The following ANTXRL variants were observed in gnomAD, a reference collection of about 807,000 sequenced individuals.
ANTXRL encodes ANTXR like.
A neutral mutation model predicts 75.4 loss-of-function variants in ANTXRL; 63 were observed. The ratio of observed to expected loss-of-function variants is 0.84; its 90% confidence interval spans 0.68 to 1.03. The LOEUF (loss-of-function observed/expected upper bound fraction) is 1.03, where lower values mean the gene tolerates loss of function less well. Ranked by LOEUF, ANTXRL falls within the 50% of genes least tolerant of loss-of-function variation. The pLI, the probability that ANTXRL is intolerant of heterozygous loss-of-function variation, is 0.00. For synonymous variants in ANTXRL, 335 were observed against 291.3 expected, an observed-to-expected ratio of 1.15 and a Z score of -1.53; for missense variants, 797 against 789.4, an observed-to-expected ratio of 1.01 and a Z score of -0.12.
intron 9 of ANTXRL, among the ~76,000 whole-genome samples, chr10:46,301,036 C>A (rs577795376): frequency 7.6e-4 from 114 of 149,600 alleles, no homozygotes; most frequent in African/African-American, 2.7e-3. Context: ...AAAATGCTTG[C>A]TTGCAATACA....
chr10:46,306,560 C>T (rs1373677383), intron 10 of ANTXRL, among the ~76,000 whole-genome samples: 13 of 151,384 alleles, frequency 8.6e-5, no homozygotes, highest in Non-Finnish European at 1.3e-4. Flanking sequence ...TTCTGTGTCC[C>T]GTGCAATCCC....
intron 9 of ANTXRL, among the ~76,000 whole-genome samples, chr10:46,301,158 C>T (rs1300781671): frequency 1.3e-5 from 2 of 152,264 alleles, no homozygotes; most frequent in African/African-American, 4.8e-5. Context: ...GGGGCGCAGG[C>T]CACAGGCCCA....
In ANTXRL at chr10:46,297,431, C is replaced by T; in HGVS notation, c.611C>T (p.Ala204Val). The T allele has an allele frequency of 6.5e-7, 1 of 1,535,896 alleles. No individual in the cohort carries two copies. The highest frequency in any genetic ancestry group is 8.7e-7 in the Non-Finnish European group (1 of 1,146,754). ...GCTCAAAAGGCTCGGAAACTGGGGG[C>T]CAACGTTTACACCCTGGGTGTGGCT... ...REAQKARKLG[A>V]NVYTLGVADY... The change falls in exon 7 of 17, where the codon GCC becomes GTC. Residue 204 changes from alanine to valine, a missense_variant. This residue lies in a region of ANTXRL where 262 missense variants were observed against 271.9 expected (regional missense o/e 0.96). Coordinates refer to ENST00000620264, the MANE Select transcript of ANTXRL (RefSeq NM_001278688.3).
intron 1 of ANTXRL, among the ~76,000 whole-genome samples, chr10:46,288,144 T>C (rs1472258735): frequency 6.6e-6 from 1 of 152,142 alleles, no homozygotes; most frequent in Non-Finnish European, 1.5e-5. Flanking sequence ...AGGCAAATGT[T>C]CAGCTTTGGA....
intron 1 of ANTXRL, among the ~76,000 whole-genome samples, chr10:46,288,056 A>G (rs144072536): frequency 8.9e-4 from 135 of 151,988 alleles, no homozygotes; most frequent in African/African-American, 3.1e-3. Flanking sequence ...CTTTCAGAAC[A>G]GTTTGGTCTG....
At chr10:46,309,088 C>T in intron 12 of ANTXRL, 25 bp from the exon 13 acceptor site, 1 of 1,535,502 alleles carries the variant, frequency 6.5e-7, no homozygotes, top group Middle Eastern at 1.7e-4. Context: ...CGAGGCCCTC[C>T]TATGGTGCTC....
intron 15 of ANTXRL, 78 bp downstream of exon 15, chr10:46,311,743 G>A (rs140813410): frequency 7.8e-5 from 50 of 639,990 alleles, no homozygotes; most frequent in African/African-American, 7.1e-4. Flanking sequence ...GTCCCACTGT[G>A]GAGACCTGGG....
In ANTXRL at chr10:46,304,081, G is replaced by A. The variant is rs74129851; in HGVS notation, c.895+1261G>A. Reference sequence around the variant, plus strand: ...ATCAGCATTGTGTGGATGGTCTCAGGGAATTCAGTTTTCATTGGGTTATAC... The same window carrying A: ...ATCAGCATTGTGTGGATGGTCTCAGAGAATTCAGTTTTCATTGGGTTATAC... On this transcript the variant is annotated intron_variant, in intron 10 of 16. Transcript: ENST00000620264. Among the ~76,000 whole-genome samples, 1,082 of 152,200 alleles carry A rather than the reference G, an allele frequency of 7.1e-3. 23 individuals carry two copies. Among genetic ancestry groups the A allele is most frequent in the African/African-American group, 0.024 (1,016 of 41,488 alleles).
chr10:46,313,750 G>A (rs1307419533), intron 16 of ANTXRL, among the ~76,000 whole-genome samples: 1 of 152,174 alleles, frequency 6.6e-6, no homozygotes, highest in Non-Finnish European at 1.5e-5. Flanking sequence ...GTTAGGCTAA[G>A]CCATGCTTTC....
In ANTXRL at chr10:46,311,021, A is replaced by G. The variant is rs142672369; in HGVS notation, c.1174-489A>G. ...AGCTGGGAAGGACACCAGCCCAGTG[A>G]GCACAGGGGCCAGGAGTCCGGGAAC... On this transcript the variant is annotated intron_variant, in intron 14 of 16. Transcript: ENST00000620264. Among the ~76,000 whole-genome samples, 616 of 152,150 alleles carry G rather than the reference A, an allele frequency of 4.0e-3. 5 individuals carry two copies. Among genetic ancestry groups the G allele is most frequent in the African/African-American group, 0.014 (570 of 41,498 alleles).
Position 46,312,148 on chromosome 10 carries a change from C to T in ANTXRL, c.1329+483C>T, listed in dbSNP as rs1303519173. On this transcript the variant is annotated intron_variant, in intron 15 of 16. Transcript: ENST00000620264. ...AACACTGCAAGGATGCCAGGGGCAC[C>T]TGCCAGCCCGGGCAGCAGAATCTTC... Among the ~76,000 whole-genome samples, 4 of 150,308 alleles carry T rather than the reference C, an allele frequency of 2.7e-5. No homozygotes were observed. In the Admixed American group the frequency reaches 2.7e-4, roughly 10 times the overall value.
chr10:46,298,995 C>G (rs552336367), intron 9 of ANTXRL, among the ~76,000 whole-genome samples: 3 of 151,760 alleles, frequency 2.0e-5, no homozygotes, highest in African/African-American at 7.3e-5. Context: ...AACCTCACAA[C>G]GGTAAGTTTA....
At chr10:46,309,888 A>T (rs1276000392) in intron 13 of ANTXRL, among the ~76,000 whole-genome samples, 1 of 152,156 alleles carries the variant, frequency 6.6e-6, no homozygotes, top group Non-Finnish European at 1.5e-5. Flanking sequence ...AAAAGCAGAG[A>T]TGGAGCCCGG....
At chr10:46,305,893 G>A (rs1554961756) in intron 10 of ANTXRL, among the ~76,000 whole-genome samples, 1 of 152,066 alleles carries the variant, frequency 6.6e-6, no homozygotes, top group Non-Finnish European at 1.5e-5. Flanking sequence ...ACACTCAAAT[G>A]TCATCTTTGA....
intron 9 of ANTXRL, among the ~76,000 whole-genome samples, chr10:46,299,764 A>G (rs1196583590): frequency 6.6e-6 from 1 of 152,184 alleles, no homozygotes; most frequent in Non-Finnish European, 1.5e-5. Flanking sequence ...AGACGCTGTC[A>G]GGCCTCTCGT....
intron 16 of ANTXRL, among the ~76,000 whole-genome samples, chr10:46,321,222 C>T (rs1391797411): frequency 6.6e-6 from 1 of 152,106 alleles, no homozygotes; most frequent in Non-Finnish European, 1.5e-5. Context: ...TGAGCTAAAG[C>T]CATCCACTGA....
intron 16 of ANTXRL, among the ~76,000 whole-genome samples, chr10:46,326,187 T>C (rs1363016712): frequency 6.6e-6 from 1 of 151,622 alleles, no homozygotes; most frequent in Admixed American, 6.6e-5. Flanking sequence ...AAAAGAGGAA[T>C]AGCTGTGAGT....
In ANTXRL at chr10:46,311,534, TCACCAC is replaced by T; in HGVS notation, c.1206_1211del (p.Pro410_Pro411del). On this transcript the variant is annotated inframe_deletion, in exon 15 of 17. Coordinates refer to ENST00000620264, the MANE Select transcript of ANTXRL (RefSeq NM_001278688.3). ...GGAGCCAGAGCAGGAAAAACCACCA[TCACCAC>T]CACCACCGCCTCCGCCTCCACCACC... 6.5e-7 allele frequency: 1 copy of T among 1,533,606 alleles called. No individual in the cohort carries two copies. The highest frequency in any genetic ancestry group is 2.4e-5 in the East Asian group (1 of 40,844). The allele number at this position is 1,533,606 out of a possible 1,614,324, so 95.0% of individuals were successfully genotyped here.
At chr10:46,315,591 C>T (rs115424126) in intron 16 of ANTXRL, among the ~76,000 whole-genome samples, 13,096 of 151,270 alleles carry the variant, frequency 0.087, 539 homozygotes, top group Non-Finnish European at 0.12. Flanking sequence ...TCTTTCTCCA[C>T]CCATGCCCGG....
Sources: allele counts gnomAD v4.1 joint callset (sites outside exome capture counted in the v4.1 genomes callset), GRCh38; gene constraint gnomAD v4.1.1; regional missense constraint gnomAD v4.1.1; transcripts MANE v1.5; gene names NCBI Gene and HGNC (gene_info 2026-07-23, HGNC 2026-07-21).